The following SDK2 variants were observed in gnomAD, a reference collection of about 807,000 sequenced individuals.
SDK2 encodes the protein protein sidekick-2.
A neutral mutation model predicts 253.9 loss-of-function variants in SDK2; 105 were observed. That is an observed-to-expected ratio of 0.41 (90% confidence interval 0.35 to 0.49). The LOEUF is 0.49. SDK2 is among the 20% of genes least tolerant of loss of function. The pLI is 0.06. For missense variants in SDK2, 2,608 were observed against 3,003.0 expected (o/e 0.87, Z 3.07); for synonymous variants, 1,249 against 1,234.9 (o/e 1.01, Z -0.24).
chr17:73,614,229 A>G (rs1169004653), intron 1 of SDK2, among the ~76,000 whole-genome samples: 1 of 151,902 alleles, frequency 6.6e-6, no homozygotes, highest in African/African-American at 2.4e-5. Flanking sequence ...CCTGGAAAGT[A>G]CCCCCACCTT....
chr17:73,643,552 C>A lies in SDK2; in HGVS notation c.64+473G>T, dbSNP rs2046424859. On this transcript the variant is annotated intron_variant, in intron 1 of 44. Coordinates refer to ENST00000392650, the MANE Select transcript of SDK2 (RefSeq NM_001144952.2). The surrounding 1 kb of genome is among the most constrained non-coding windows in gnomAD (Gnocchi z 6.9). Reference sequence around the variant, plus strand: ...CCCGGGCGAGCAACCCGGCATCCAGCGCTCGCCCACCCCACTCCCTCGCCC... The same window carrying A: ...CCCGGGCGAGCAACCCGGCATCCAGAGCTCGCCCACCCCACTCCCTCGCCC... 6.6e-6 allele frequency among the ~76,000 whole-genome samples: 1 copy of A among 152,222 alleles called. No homozygotes were observed. The highest frequency in any genetic ancestry group is 2.1e-4 in the South Asian group (1 of 4,830).
At chr17:73,602,467 G>A (rs1447281048) in intron 1 of SDK2, among the ~76,000 whole-genome samples, 1 of 151,280 alleles carries the variant, frequency 6.6e-6, no homozygotes, top group East Asian at 1.9e-4. Context: ...AGTGCCGGCT[G>A]CCTGGCAGAC....
At chr17:73,439,664 C>T (rs762450881) in intron 6 of SDK2, among the ~76,000 whole-genome samples, 1 of 152,224 alleles carries the variant, frequency 6.6e-6, no homozygotes, top group Non-Finnish European at 1.5e-5. Context: ...ATTGGTTTAA[C>T]TTTATAGTGC....
chr17:73,436,680 T>G (rs2063372392), intron 8 of SDK2, among the ~76,000 whole-genome samples: 1 of 151,234 alleles, frequency 6.6e-6, no homozygotes. Context: ...CTGCTTGCCT[T>G]CCCTTCCCGG....
intron 1 of SDK2, among the ~76,000 whole-genome samples, chr17:73,527,908 TG>T (rs2064138660): frequency 6.6e-6 from 1 of 151,566 alleles, no homozygotes; most frequent in Non-Finnish European, 1.5e-5. Context: ...GTGCTGACGA[TG>T]GGGGTGGTGA....
At chr17:73,346,434 CTCT>C (rs1374324225) in intron 44 of SDK2, among the ~76,000 whole-genome samples, 1 of 150,872 alleles carries the variant, frequency 6.6e-6, no homozygotes, top group African/African-American at 2.4e-5. Flanking sequence ...AAAACTTGGG[CTCT>C]TCTTTTGAAA....
intron 1 of SDK2, among the ~76,000 whole-genome samples, chr17:73,556,659 C>T (rs1176091726): frequency 1.3e-5 from 2 of 152,198 alleles, no homozygotes; most frequent in Non-Finnish European, 2.9e-5. Context: ...CATTTGTTCC[C>T]CTTTGGGAAC....
chr17:73,525,220 G>A (rs898258027), intron 1 of SDK2, among the ~76,000 whole-genome samples: 6 of 152,310 alleles, frequency 3.9e-5, no homozygotes, highest in Admixed American at 6.5e-5. Flanking sequence ...GCTCTCCATG[G>A]GGAACTGACA....
rs117076946 is a variant in SDK2, at chr17:73,424,960, C to T, written c.1584-868G>A. 8.9e-3 allele frequency among the ~76,000 whole-genome samples: 1,361 copies of T among 152,286 alleles called. 25 individuals carry two copies. The highest frequency in any genetic ancestry group is 0.046 in the East Asian group (236 of 5,178). On this transcript the variant is annotated intron_variant, in intron 12 of 44. Transcript: ENST00000392650. ...ACCAGGCTGGGTGCATGGCTCACAC[C>T]GGTAATCCCAGCACTTTGGGAGGCC...
intron 2 of SDK2, among the ~76,000 whole-genome samples, chr17:73,502,030 C>A (rs1292153652): frequency 6.6e-6 from 1 of 151,696 alleles, no homozygotes; most frequent in Non-Finnish European, 1.5e-5. Flanking sequence ...CATATTTATG[C>A]CACAATCACA....
chr17:73,357,988 G>C, intron 40 of SDK2, 91 bp downstream of exon 40: 2 of 1,578,982 alleles, frequency 1.3e-6, no homozygotes, highest in Non-Finnish European at 1.7e-6. Flanking sequence ...CTTCTCAGGC[G>C]GAGGACAGAG....
intron 2 of SDK2, among the ~76,000 whole-genome samples, chr17:73,479,757 C>A (rs2063709693): frequency 6.6e-6 from 1 of 152,242 alleles, no homozygotes; most frequent in Non-Finnish European, 1.5e-5. Context: ...ATGGCACAAT[C>A]TCGGCTCACT....
intron 40 of SDK2, 154 bp downstream of exon 40, chr17:73,357,925 G>T: frequency 2.5e-6 from 3 of 1,204,310 alleles, no homozygotes; most frequent in Non-Finnish European, 3.6e-6. Context: ...CCCCAACCCA[G>T]TTTCCCACTC....
chr17:73,365,495 C>T (rs1043354213), intron 37 of SDK2, 100 bp from the exon 38 acceptor site: 11 of 1,289,420 alleles, frequency 8.5e-6, no homozygotes, highest in South Asian at 4.9e-5. Context: ...GGTCTGAGCC[C>T]GGGAGGAACA....
intron 44 of SDK2, among the ~76,000 whole-genome samples, chr17:73,345,488 C>T (rs143026333): frequency 0.012 from 1,884 of 152,314 alleles, 125 homozygotes; most frequent in Admixed American, 0.11. Flanking sequence ...TAGAGTCTGT[C>T]TTGCCCACTA....
chr17:73,348,761 C>A, intron 43 of SDK2, 36 bp from the exon 44 acceptor site: 1 of 1,587,062 alleles, frequency 6.3e-7, no homozygotes, highest in Non-Finnish European at 8.5e-7. Flanking sequence ...GAGAGGTGCA[C>A]TCACTCAGAG....
chr17:73,425,570 C>A (rs923731950), intron 12 of SDK2, among the ~76,000 whole-genome samples: 1 of 152,116 alleles, frequency 6.6e-6, no homozygotes, highest in African/African-American at 2.4e-5. Flanking sequence ...TGCCGTGGTG[C>A]GGTCTTGACT....
At chr17:73,457,552 T>C (rs2063537577) in intron 3 of SDK2, among the ~76,000 whole-genome samples, 1 of 151,522 alleles carries the variant, frequency 6.6e-6, no homozygotes, top group Admixed American at 6.6e-5. Flanking sequence ...GGTTTCGCCA[T>C]GTTGGCCAGG....
intron 2 of SDK2, among the ~76,000 whole-genome samples, chr17:73,505,259 C>T (rs12601043): frequency 0.35 from 52,948 of 152,062 alleles, 9,456 homozygotes; most frequent in South Asian, 0.43. Context: ...TGCTGTCAGA[C>T]AACTTATTTT....
Sources: allele counts gnomAD v4.1 joint callset (sites outside exome capture counted in the v4.1 genomes callset), GRCh38; gene constraint gnomAD v4.1.1; non-coding constraint Gnocchi (gnomAD v3.1); transcripts MANE v1.5; gene names NCBI Gene and HGNC (gene_info 2026-07-23, HGNC 2026-07-21).